The following RBL1 variants were observed in gnomAD, a reference collection of about 807,000 sequenced individuals.
RBL1 encodes the protein retinoblastoma-like protein 1.
In RBL1, 82 loss-of-function variants were observed where a neutral mutation model predicts 123.0. The ratio of observed to expected loss-of-function variants is 0.67; its 90% CI spans 0.56 to 0.80. RBL1 has a LOEUF of 0.80. Ranked by LOEUF, RBL1 falls within the 30% of genes least tolerant of loss-of-function variation. The pLI is 0.00. For missense variants in RBL1, 1,171 were observed against 1,299.6 expected (o/e 0.90, Z 1.52); for synonymous variants, 405 against 441.3 (o/e 0.92, Z 1.03).
At chr20:37,024,686 G>A (rs1451671742) in intron 16 of RBL1, among the ~76,000 whole-genome samples, 1 of 152,096 alleles carries the variant, frequency 6.6e-6, no homozygotes, top group Non-Finnish European at 1.5e-5. Context: ...GAAAGGAAAA[G>A]GATGTTAGAT....
At chr20:37,070,278 C>G (rs987545100) in intron 2 of RBL1, among the ~76,000 whole-genome samples, 10 of 152,046 alleles carry the variant, frequency 6.6e-5, no homozygotes, top group African/African-American at 2.4e-4. Context: ...GCAGCATGCT[C>G]CTTAAGAGTC....
At chr20:37,044,400 T>C (rs1033323546) in intron 12 of RBL1, 150 bp from the exon 13 acceptor site, 5 of 657,760 alleles carry the variant, frequency 7.6e-6, no homozygotes, top group Admixed American at 7.1e-5. Flanking sequence ...TACAGTGGTG[T>C]GATCTTGGCT....
chr20:37,003,771 C>A lies in RBL1; in HGVS notation c.2967G>T (p.Pro989=), dbSNP rs533632665. 1.2e-6 allele frequency: 2 copies of A among 1,613,860 alleles called. No individual in the cohort carries two copies. Among genetic ancestry groups the A allele is most frequent in the Admixed American group, 1.7e-5 (1 of 59,984 alleles). The change falls in exon 21 of 22, where the codon CCG becomes CCT. Residue 989 remains proline (P), a synonymous_variant. Transcript: ENST00000373664. ...ISQQHSIYIS[P]HKNGSGLTPR... is the part of the protein sequence containing the mutation. ...GTGTAAGGCCTGACCCATTCTTGTG[C>A]GGGGAAATATAAATGGAGTGCTGCT...
chr20:37,053,873 G>C (rs1238863558), intron 11 of RBL1, among the ~76,000 whole-genome samples: 1 of 152,100 alleles, frequency 6.6e-6, no homozygotes, highest in East Asian at 1.9e-4. Flanking sequence ...AAATTGAAAA[G>C]AACTAAATTC....
chr20:37,008,975 T>C (rs1378301818), intron 19 of RBL1, among the ~76,000 whole-genome samples: 1 of 152,188 alleles, frequency 6.6e-6, no homozygotes, highest in African/African-American at 2.4e-5. Flanking sequence ...TCATGTTCAC[T>C]TTAATTCCAT....
chr20:37,043,405 T>C (rs995802870), intron 13 of RBL1, among the ~76,000 whole-genome samples: 2 of 150,858 alleles, frequency 1.3e-5, no homozygotes, highest in East Asian at 1.9e-4. Context: ...AGACAGAGAA[T>C]TGCTTGAACT....
intron 3 of RBL1, 71 bp downstream of exon 3, chr20:37,067,915 T>A: frequency 1.3e-6 from 2 of 1,515,044 alleles, no homozygotes; most frequent in Non-Finnish European, 1.8e-6. Flanking sequence ...AAAAACAGAC[T>A]TTCAAAAAAG....
At chr20:37,046,168 G>A (rs763024939) in intron 12 of RBL1, among the ~76,000 whole-genome samples, 12 of 152,046 alleles carry the variant, frequency 7.9e-5, no homozygotes, top group Non-Finnish European at 1.0e-4. Context: ...CTATTATTAC[G>A]GCTTTATTAG....
intron 11 of RBL1, among the ~76,000 whole-genome samples, chr20:37,054,640 G>A (rs2064973491): frequency 6.6e-6 from 1 of 151,836 alleles, no homozygotes; most frequent in Admixed American, 6.6e-5. Flanking sequence ...GACCAGCCTG[G>A]CTAACATGGT....
chr20:37,035,428 CAA>C lies in RBL1; in HGVS notation c.1982_1983del (p.Phe661TrpfsTer31). On this transcript the variant is annotated frameshift_variant, in exon 15 of 22. Transcript: ENST00000373664. LOFTEE classifies it high-confidence loss of function. ...PTAGSAKRRL[F>X]GEDPPKEMLM... ...AGCATTTCCTTTGGGGGGTCCTCTC[CAA>C]AGAGTCTTCTCTTAGCACTCCCTGC... 1 of 1,613,960 alleles carries C rather than the reference CAA, an allele frequency of 6.2e-7. No individual in the cohort carries two copies. The highest frequency in any genetic ancestry group is 1.1e-5 in the South Asian group (1 of 91,074).
Position 37,017,000 on chromosome 20 carries a change from A to AAGACG in RBL1, c.2722+1274_2722+1278dup, listed in dbSNP as rs569359385. ...GAGGAGAGGAGAGGGGAGAGGAGAG[A>AAGACG]AGACGAGACGAGACGAGACAAGACG... On this transcript the variant is annotated intron_variant, in intron 19 of 21. Coordinates refer to ENST00000373664, the MANE Select transcript of RBL1 (RefSeq NM_002895.5). Among the ~76,000 whole-genome samples, 1,189 of 151,594 alleles carry AAGACG rather than the reference A, an allele frequency of 7.8e-3. 3 individuals are homozygous for AAGACG. Among genetic ancestry groups the AAGACG allele is most frequent in the Non-Finnish European group, 0.011 (745 of 67,832 alleles).
rs544827451 is a variant in RBL1 at position 37,020,128 on chromosome 20, G to A, written c.2631+531C>T. Among the ~76,000 whole-genome samples, 132 of 144,552 alleles carry A rather than the reference G, an allele frequency of 9.1e-4. 1 individual carries two copies. Among genetic ancestry groups the A allele is most frequent in the Admixed American group, 2.6e-3 (36 of 13,856 alleles). 94.8% of individuals were successfully genotyped at this position (144,552 alleles called of 152,430 possible). On this transcript the variant is annotated intron_variant, in intron 18 of 21. Coordinates refer to ENST00000373664, the MANE Select transcript of RBL1 (RefSeq NM_002895.5). ...TTTTGAGACAGAGTCTCGCTCTGTC[G>A]GCCAGGCTGGAGTGCAGTGGAATGC... is the stretch of plus-strand genomic sequence containing the variant.
At chr20:37,035,539 A>G (rs1005185021) in intron 14 of RBL1, 31 bp from the exon 15 acceptor site, 2 of 1,466,690 alleles carry the variant, frequency 1.4e-6, no homozygotes, top group African/African-American at 1.4e-5. Context: ...TAAAACAGAA[A>G]TGTATTCCAA....
At chr20:37,003,680 A>G (rs1312301060) in intron 21 of RBL1, 22 bp downstream of exon 21, 3 of 1,561,390 alleles carry the variant, frequency 1.9e-6, no homozygotes, top group African/African-American at 1.4e-5. Context: ...CTGAAATCCA[A>G]CTTTTAGCCT....
chr20:37,031,791 C>T (rs764208950), intron 16 of RBL1, among the ~76,000 whole-genome samples: 12 of 151,772 alleles, frequency 7.9e-5, no homozygotes, highest in Middle Eastern at 3.2e-3. Flanking sequence ...CAGGCTGGAG[C>T]GCAGTGGTGT....
rs774656029 is a variant in RBL1 at position 37,055,540 on chromosome 20, TG to T, written c.1467+12del. ...TGGACCTTGCCAGTAGCTCAGAGAGTGGATTTACTTACTGACATGTCCATTC... is the reference window on the plus strand; with the variant it reads ...TGGACCTTGCCAGTAGCTCAGAGAGTGATTTACTTACTGACATGTCCATTC... On this transcript the variant is annotated intron_variant, in intron 11 of 21. Transcript: ENST00000373664. 1.2e-6 allele frequency: 2 copies of T among 1,613,754 alleles called. No homozygotes were observed. The highest frequency in any genetic ancestry group is 4.5e-5 in the East Asian group (2 of 44,862).
At chr20:37,013,802 G>C (rs2146214149) in intron 19 of RBL1, among the ~76,000 whole-genome samples, 1 of 152,062 alleles carries the variant, frequency 6.6e-6, no homozygotes, top group South Asian at 2.1e-4. Context: ...CTTGGCACCT[G>C]TTCTTGAGCA....
intron 20 of RBL1, 139 bp from the exon 21 acceptor site, chr20:37,004,005 G>T: frequency 3.4e-6 from 2 of 581,070 alleles, no homozygotes; most frequent in East Asian, 3.7e-5. Context: ...GAAAAAAAAT[G>T]ATCCTTTACT....
At chr20:37,008,021 A>G (rs1193123108) in intron 19 of RBL1, among the ~76,000 whole-genome samples, 10 of 152,234 alleles carry the variant, frequency 6.6e-5, no homozygotes, top group Admixed American at 5.9e-4. Context: ...TGTATTACTT[A>G]TAAGTCAAAT....
Sources: gnomAD v4.1 joint callset for allele counts (sites outside exome capture counted in the v4.1 genomes callset) on GRCh38, gnomAD v4.1.1 for gene constraint, MANE v1.5 for transcripts, NCBI Gene and HGNC (gene_info 2026-07-23, HGNC 2026-07-21) for gene names.